The following MATCAP2 variants were observed in gnomAD, a reference collection of about 807,000 sequenced individuals.
MATCAP2 encodes microtubule associated tyrosine carboxypeptidase 2.
At chr7:36,390,194 T>C in the MATCAP2 span, 4 of 1,319,008 alleles carry the variant, frequency 3.0e-6, no homozygotes, top group Admixed American at 8.7e-5. Context: ...TCGCCGCGGC[T>C]GCGGCCTGCT....
the MATCAP2 span, chr7:36,366,992 C>A: frequency 7.6e-7 from 1 of 1,316,752 alleles, no homozygotes; most frequent in Non-Finnish European, 9.6e-7. Context: ...GGGAAAGGGC[C>A]GCGCAGGGGC....
chr7:36,350,392 C>T, the MATCAP2 span, among the ~76,000 whole-genome samples: 1 of 152,194 alleles, frequency 6.6e-6, no homozygotes, highest in Non-Finnish European at 1.5e-5. Context: ...ACATTTAAGT[C>T]TTTGCCATAC....
chr7:36,358,785 A>C, the MATCAP2 span, among the ~76,000 whole-genome samples: 1 of 152,368 alleles, frequency 6.6e-6, no homozygotes, highest in East Asian at 1.9e-4. Flanking sequence ...CTCTGAAGAC[A>C]AGGCATTCCT....
chr7:36,366,705 G>A, the MATCAP2 span: 1 of 1,535,192 alleles, frequency 6.5e-7, no homozygotes, highest in Non-Finnish European at 8.7e-7. Flanking sequence ...GGTACTTACT[G>A]ATAATAAGTG....
chr7:36,366,614 AT>A, the MATCAP2 span: 1 of 1,453,310 alleles, frequency 6.9e-7, no homozygotes, highest in Non-Finnish European at 9.3e-7. Context: ...TTGAAATAGG[AT>A]TTAACAATCT....
the MATCAP2 span, chr7:36,356,598 A>C: frequency 1.9e-6 from 1 of 531,840 alleles, no homozygotes; most frequent in African/African-American, 1.9e-5. Flanking sequence ...TAGGCGGCTA[A>C]ATTGGCCACA....
the MATCAP2 span, among the ~76,000 whole-genome samples, chr7:36,371,535 T>C: frequency 9.8e-5 from 15 of 152,292 alleles, no homozygotes; most frequent in African/African-American, 3.4e-4. Context: ...TTAAAAAAAG[T>C]AAGTTAAACC....
the MATCAP2 span, among the ~76,000 whole-genome samples, chr7:36,367,482 T>C: frequency 1.3e-5 from 2 of 152,168 alleles, no homozygotes; most frequent in Non-Finnish European, 2.9e-5. Context: ...CAAAGGTGAC[T>C]TAACTCCATG....
chr7:36,377,334 G>A, the MATCAP2 span, among the ~76,000 whole-genome samples: 6 of 152,022 alleles, frequency 3.9e-5, no homozygotes, highest in African/African-American at 1.5e-4. Flanking sequence ...TGTTTATAAA[G>A]GATTTTATTT....
chr7:36,326,698 TGC>T, the MATCAP2 span: 1 of 1,391,520 alleles, frequency 7.2e-7, no homozygotes, highest in Non-Finnish European at 9.8e-7. Flanking sequence ...TGGTGCTAAC[TGC>T]ACCTAACTGG....
chr7:36,364,044 C>CTT, the MATCAP2 span, among the ~76,000 whole-genome samples: 12 of 140,646 alleles, frequency 8.5e-5, no homozygotes, highest in African/African-American at 2.9e-4. Flanking sequence ...ATAATAAACC[C>CTT]TTTTTTTTTT....
chr7:36,366,801 AG>A, the MATCAP2 span: 1 of 1,532,626 alleles, frequency 6.5e-7, no homozygotes. Flanking sequence ...GTCGGGGCGC[AG>A]GGTGGAGTCC....
the MATCAP2 span, among the ~76,000 whole-genome samples, chr7:36,329,586 C>T: frequency 6.6e-6 from 1 of 152,168 alleles, no homozygotes; most frequent in African/African-American, 2.4e-5. Context: ...AAGACACAGG[C>T]ACAGCCATGA....
At chr7:36,366,117 GGC>G in the MATCAP2 span, among the ~76,000 whole-genome samples, 1 of 152,154 alleles carries the variant, frequency 6.6e-6, no homozygotes. Context: ...GCTTTATTTT[GGC>G]ACTAGTTTGA....
the MATCAP2 span, among the ~76,000 whole-genome samples, chr7:36,349,061 A>G: frequency 6.6e-6 from 1 of 152,266 alleles, no homozygotes; most frequent in Non-Finnish European, 1.5e-5. Flanking sequence ...GCTGTGACCG[A>G]TATTTACGTG....
At chr7:36,340,131 G>A in the MATCAP2 span, among the ~76,000 whole-genome samples, 1 of 152,214 alleles carries the variant, frequency 6.6e-6, no homozygotes, top group African/African-American at 2.4e-5. Context: ...CCTAAAGTTA[G>A]TGCTGGGATT....
At chr7:36,382,299 C>CAAAAAAAA in the MATCAP2 span, among the ~76,000 whole-genome samples, 1 of 62,934 alleles carries the variant, frequency 1.6e-5, no homozygotes, top group Non-Finnish European at 2.9e-5. Flanking sequence ...GCGTCTGTCT[C>CAAAAAAAA]AAAAAAAAAA....
the MATCAP2 span, among the ~76,000 whole-genome samples, chr7:36,328,166 T>G: frequency 2.5e-3 from 359 of 146,036 alleles, 2 homozygotes; most frequent in African/African-American, 8.7e-3. Context: ...ACTCCTGGGC[T>G]CAAGCGATCC....
At chr7:36,342,113 A>G in the MATCAP2 span, among the ~76,000 whole-genome samples, 17 of 152,266 alleles carry the variant, frequency 1.1e-4, no homozygotes, top group Non-Finnish European at 2.4e-4. Context: ...AAAATATTTC[A>G]GTGTTTGTGG....
Sources: allele counts gnomAD v4.1 joint callset (sites outside exome capture counted in the v4.1 genomes callset), GRCh38; gene constraint gnomAD v4.1.1; transcripts MANE v1.5; gene names NCBI Gene and HGNC (gene_info 2026-07-23, HGNC 2026-07-21).